Variants in GALNT13 observed in about 807,000 individuals in gnomAD.
GALNT13 encodes the protein polypeptide N-acetylgalactosaminyltransferase 13.
A neutral mutation model predicts 64.2 loss-of-function variants in GALNT13; 28 were observed. That is an observed-to-expected ratio of 0.44 (90% CI 0.32 to 0.60). The LOEUF is 0.60. Among genes scored for constraint, GALNT13 ranks in the 20% least tolerant of loss-of-function variants. The probability of loss-of-function intolerance (pLI) is 0.05; values close to 1 mark genes in which losing one functional copy is unlikely to be tolerated. For missense variants in GALNT13, 577 were observed against 669.8 expected (o/e 0.86, Z 1.53); for synonymous variants, 214 against 224.6 (o/e 0.95, Z 0.42).
rs567246300 is a variant in GALNT13 at position 154,237,754 on chromosome 2, C to A, written c.312-4276C>A. Reference sequence around the variant, plus strand: ...GTCACAGCTGTTCATATAGCCATTGCTTCATCTAGATTATGTGTACTCTTT... The same window carrying A: ...GTCACAGCTGTTCATATAGCCATTGATTCATCTAGATTATGTGTACTCTTT... On this transcript the variant is annotated intron_variant, in intron 4 of 12. Coordinates refer to ENST00000392825, the MANE Select transcript of GALNT13 (RefSeq NM_052917.4). Among the ~76,000 whole-genome samples, 328 of 151,544 alleles carry A rather than the reference C, an allele frequency of 2.2e-3. 4 individuals are homozygous for A. Among genetic ancestry groups the A allele is most frequent in the African/African-American group, 7.7e-3 (318 of 41,420 alleles).
the GALNT13 span, among the ~76,000 whole-genome samples, chr2:153,136,667 C>T: frequency 1.3e-5 from 2 of 152,054 alleles, no homozygotes; most frequent in African/African-American, 4.8e-5. Flanking sequence ...TTAACATTTT[C>T]ATAACTAAAA....
At chr2:154,073,857 AATAAC>A (rs986834150) in intron 3 of GALNT13, among the ~76,000 whole-genome samples, 1 of 152,018 alleles carries the variant, frequency 6.6e-6, no homozygotes, top group Non-Finnish European at 1.5e-5. Context: ...TGTGAAACAA[AATAAC>A]ATAACAAAAA....
chr2:154,311,784 C>G (rs1381359548), intron 9 of GALNT13, among the ~76,000 whole-genome samples: 8 of 151,940 alleles, frequency 5.3e-5, no homozygotes, highest in Admixed American at 5.2e-4. Context: ...CAGAGACCTA[C>G]CCCTAGGTGC....
intron 9 of GALNT13, among the ~76,000 whole-genome samples, chr2:154,355,017 A>T (rs1696653504): frequency 6.6e-6 from 1 of 152,028 alleles, no homozygotes; most frequent in African/African-American, 2.4e-5. Flanking sequence ...GTTGGAATTG[A>T]ATCATAATCC....
At chr2:153,967,762 C>G (rs1026401552) in intron 3 of GALNT13, among the ~76,000 whole-genome samples, 1 of 151,962 alleles carries the variant, frequency 6.6e-6, no homozygotes, top group Non-Finnish European at 1.5e-5. Flanking sequence ...CTGTCTGCCC[C>G]GGATATTTTT....
the GALNT13 span, among the ~76,000 whole-genome samples, chr2:153,411,987 T>G: frequency 6.6e-6 from 1 of 152,158 alleles, no homozygotes. Context: ...TCTAATCAGC[T>G]GCCAGAAAAT....
chr2:154,452,479 C>A lies in GALNT13; in HGVS notation c.*1928C>A, dbSNP rs1229013651. On this transcript the variant is annotated 3_prime_UTR_variant, in exon 13 of 13. Transcript: ENST00000392825. ...ATTACTTAAGTTGAAAAAGCTTCAA[C>A]TCTCAAGGACTCATGTATACCATAT... 6.6e-6 allele frequency: 1 copy of A among 152,126 alleles called. No individual in the cohort carries two copies. The highest frequency in any genetic ancestry group is 2.4e-5 in the African/African-American group (1 of 41,426). The allele number at this position is 152,126 out of a possible 1,614,324, so 9.4% of individuals were successfully genotyped here.
the GALNT13 span, among the ~76,000 whole-genome samples, chr2:153,435,408 A>G: frequency 6.6e-6 from 1 of 152,162 alleles, no homozygotes; most frequent in East Asian, 1.9e-4. Context: ...GAATCTATAA[A>G]TTACCTTGGG....
intron 4 of GALNT13, among the ~76,000 whole-genome samples, chr2:154,177,192 C>T: frequency 6.6e-6 from 1 of 152,090 alleles, no homozygotes; most frequent in Non-Finnish European, 1.5e-5. Context: ...TGCTGTGGTA[C>T]ATCCAGACAA....
At chr2:154,227,692 G>C (rs1346660997) in intron 4 of GALNT13, among the ~76,000 whole-genome samples, 1 of 151,646 alleles carries the variant, frequency 6.6e-6, no homozygotes, top group East Asian at 1.9e-4. Flanking sequence ...ACTATTCCAG[G>C]GTGTTTATGT....
chr2:154,026,647 TTTCTCTTCTTA>T (rs1234234641), intron 3 of GALNT13, among the ~76,000 whole-genome samples: 1 of 152,206 alleles, frequency 6.6e-6, no homozygotes, highest in Non-Finnish European at 1.5e-5. Context: ...TCATTCTACC[TTTCTCTTCTTA>T]TAAGGTAACA....
At chr2:154,149,285 A>G (rs918017341) in intron 4 of GALNT13, among the ~76,000 whole-genome samples, 20 of 152,106 alleles carry the variant, frequency 1.3e-4, no homozygotes, top group African/African-American at 4.3e-4. Context: ...CCATTGATCT[A>G]TATCTCTGTT....
the GALNT13 span, among the ~76,000 whole-genome samples, chr2:153,654,627 T>C: frequency 6.6e-6 from 1 of 152,038 alleles, no homozygotes; most frequent in African/African-American, 2.4e-5. Flanking sequence ...TCAAAAATAT[T>C]TGAAAAAATA....
At chr2:154,052,278 T>C (rs919593125) in intron 3 of GALNT13, among the ~76,000 whole-genome samples, 1 of 152,190 alleles carries the variant, frequency 6.6e-6, no homozygotes, top group Non-Finnish European at 1.5e-5. Context: ...TACTATGCTA[T>C]CTGACTTAAG....
the GALNT13 span, among the ~76,000 whole-genome samples, chr2:153,785,907 C>T: frequency 2.0e-5 from 3 of 152,044 alleles, no homozygotes; most frequent in African/African-American, 4.8e-5. Flanking sequence ...ACAGAGCAGC[C>T]ACCTCACAGA....
chr2:153,736,488 C>G, the GALNT13 span, among the ~76,000 whole-genome samples: 2 of 152,154 alleles, frequency 1.3e-5, no homozygotes, highest in African/African-American at 4.8e-5. Context: ...GATCTGGGCA[C>G]TAGATGTGTT....
the GALNT13 span, among the ~76,000 whole-genome samples, chr2:153,388,609 C>G: frequency 6.6e-6 from 1 of 152,076 alleles, no homozygotes; most frequent in Non-Finnish European, 1.5e-5. Flanking sequence ...AGCCAGAGCA[C>G]AGATTAATTG....
At chr2:153,678,050 T>C in the GALNT13 span, among the ~76,000 whole-genome samples, 1 of 134,586 alleles carries the variant, frequency 7.4e-6, no homozygotes, top group African/African-American at 2.6e-5. Context: ...AAGCTAAAGA[T>C]ATTCTGCTAA....
the GALNT13 span, among the ~76,000 whole-genome samples, chr2:153,530,194 A>C: frequency 1.3e-5 from 2 of 152,128 alleles, no homozygotes; most frequent in Non-Finnish European, 2.9e-5. Context: ...CAAATTCAGC[A>C]AAGTAGGACA....
Sources: allele counts gnomAD v4.1 joint callset (sites outside exome capture counted in the v4.1 genomes callset), GRCh38; gene constraint gnomAD v4.1.1; transcripts MANE v1.5; gene names NCBI Gene and HGNC (gene_info 2026-07-23, HGNC 2026-07-21).